Variants in MACROD2 observed in about 807,000 individuals in gnomAD.
MACROD2 encodes the protein ADP-ribose glycohydrolase MACROD2.
MACROD2 carries 36 observed loss-of-function variants against 70.4 expected under a neutral mutation model. That is an observed-to-expected ratio of 0.51 (90% CI 0.39 to 0.68). The LOEUF is 0.68. MACROD2 is among the 30% of genes least tolerant of loss of function. The probability of loss-of-function intolerance (pLI) is 0.00; values close to 1 mark genes in which losing one functional copy is unlikely to be tolerated. For missense variants in MACROD2, 496 were observed against 538.4 expected (o/e 0.92, Z 0.78); for synonymous variants, 172 against 178.8 (o/e 0.96, Z 0.30).
chr20:14,957,218 A>G (rs758591432), intron 5 of MACROD2, among the ~76,000 whole-genome samples: 2 of 152,122 alleles, frequency 1.3e-5, no homozygotes, highest in Non-Finnish European at 2.9e-5. Flanking sequence ...ATACATTTAT[A>G]TGATCTATAT....
At chr20:15,528,092 A>G (rs148558171) in intron 8 of MACROD2, among the ~76,000 whole-genome samples, 1 of 152,126 alleles carries the variant, frequency 6.6e-6, no homozygotes, top group Non-Finnish European at 1.5e-5. Flanking sequence ...ATGTTTCTCA[A>G]CCTGGGGCAA....
At chr20:14,981,410 G>A (rs982389773) in intron 5 of MACROD2, among the ~76,000 whole-genome samples, 8 of 143,710 alleles carry the variant, frequency 5.6e-5, no homozygotes, top group Admixed American at 2.1e-4. Context: ...CCAATCATAC[G>A]TGTGTGTGTA....
chr20:14,876,185 A>G (rs2073548607), intron 5 of MACROD2, among the ~76,000 whole-genome samples: 2 of 152,154 alleles, frequency 1.3e-5, no homozygotes, highest in Admixed American at 6.6e-5. Context: ...GTGAAATGGT[A>G]TCTCACTGTG....
At chr20:14,714,227 A>G (rs2071370850) in intron 5 of MACROD2, among the ~76,000 whole-genome samples, 1 of 152,110 alleles carries the variant, frequency 6.6e-6, no homozygotes, top group African/African-American at 2.4e-5. Context: ...AGGGTGCAGG[A>G]TAGAGGACGA....
intron 8 of MACROD2, among the ~76,000 whole-genome samples, chr20:15,609,089 T>C (rs527994253): frequency 1.3e-5 from 2 of 152,298 alleles, no homozygotes; most frequent in African/African-American, 4.8e-5. Flanking sequence ...AAAGGCAGAC[T>C]TAACAAATGA....
In MACROD2 at chr20:15,614,690, A is replaced by G. The variant is rs183178336; in HGVS notation, c.645+114843A>G. Among the ~76,000 whole-genome samples, 92 of 152,354 alleles carry G rather than the reference A, an allele frequency of 6.0e-4. No homozygotes were observed. The East Asian group carries it at 0.012, about 20-fold the overall frequency. ...GGATTGTCATGGGAGTGAAAATCCA[A>G]TTAAAGACAGTAGACATAAAGAATT... On this transcript the variant is annotated intron_variant, in intron 8 of 17. Transcript: ENST00000684519.
At chr20:14,233,393 G>A (rs911871851) in intron 3 of MACROD2, among the ~76,000 whole-genome samples, 1 of 152,052 alleles carries the variant, frequency 6.6e-6, no homozygotes, top group African/African-American at 2.4e-5. Context: ...CTTATTTAGT[G>A]ATATAAAGAA....
chr20:14,883,140 C>T (rs555640644), intron 5 of MACROD2, among the ~76,000 whole-genome samples: 2 of 152,304 alleles, frequency 1.3e-5, no homozygotes, highest in South Asian at 2.1e-4. Context: ...GATTCTCTCT[C>T]ATGTCTTTGG....
intron 6 of MACROD2, among the ~76,000 whole-genome samples, chr20:15,372,712 A>C (rs541647006): frequency 6.6e-6 from 1 of 152,276 alleles, no homozygotes; most frequent in East Asian, 1.9e-4. Flanking sequence ...TGTGGAAAAA[A>C]TGTGCAGATC....
At chr20:14,557,507 G>C (rs911355204) in intron 4 of MACROD2, among the ~76,000 whole-genome samples, 1 of 151,826 alleles carries the variant, frequency 6.6e-6, no homozygotes, top group Non-Finnish European at 1.5e-5. Flanking sequence ...AATACATAAA[G>C]TACTCATATA....
intron 8 of MACROD2, among the ~76,000 whole-genome samples, chr20:15,633,758 A>G (rs1213136040): frequency 6.6e-6 from 1 of 152,184 alleles, no homozygotes; most frequent in Non-Finnish European, 1.5e-5. Flanking sequence ...AGTATTTTAA[A>G]TGAATGTTTA....
intron 8 of MACROD2, among the ~76,000 whole-genome samples, chr20:15,775,151 G>A (rs78873027): frequency 2.6e-5 from 4 of 152,042 alleles, no homozygotes; most frequent in Non-Finnish European, 5.9e-5. Context: ...TTAATAAGCT[G>A]TAGGAGGAGT....
chr20:14,648,873 T>TA (rs1985534797), intron 4 of MACROD2, among the ~76,000 whole-genome samples: 2 of 152,218 alleles, frequency 1.3e-5, no homozygotes, highest in African/African-American at 2.4e-5. Flanking sequence ...CTATGCCAGT[T>TA]AATCTGTTAT....
At chr20:14,861,088 C>A (rs941231619) in intron 5 of MACROD2, among the ~76,000 whole-genome samples, 9 of 151,964 alleles carry the variant, frequency 5.9e-5, no homozygotes, top group Admixed American at 1.3e-4. Flanking sequence ...AATAATTTAC[C>A]CCACATGGTT....
At position 16,050,021 on chromosome 20, in the gene MACROD2, T is replaced by C; in HGVS notation, c.*145T>C. 1 of 627,998 alleles carries C rather than the reference T, an allele frequency of 1.6e-6. No individual in the cohort carries two copies. Among genetic ancestry groups the C allele is most frequent in the Non-Finnish European group, 2.5e-6 (1 of 393,944 alleles). 38.9% of individuals were successfully genotyped at this position (627,998 alleles called of 1,614,324 possible). On this transcript the variant is annotated 3_prime_UTR_variant, in exon 18 of 18. Transcript: ENST00000684519. ...CTTTACTCTAATTTCTCCAGCTGCA[T>C]TTTGTTCCGTTTATCTGCAGAAAAA...
intron 5 of MACROD2, among the ~76,000 whole-genome samples, chr20:14,704,339 T>C (rs764116358): frequency 2.0e-5 from 3 of 152,078 alleles, no homozygotes; most frequent in Non-Finnish European, 2.9e-5. Flanking sequence ...TGCGCCCTTT[T>C]CCTACCGTGT....
At chr20:14,639,812 A>G (rs566599838) in intron 4 of MACROD2, among the ~76,000 whole-genome samples, 4 of 152,172 alleles carry the variant, frequency 2.6e-5, no homozygotes, top group Admixed American at 6.5e-5. Flanking sequence ...ACAAATCAAC[A>G]CTCACATAGT....
At chr20:15,913,315 G>C (rs1227104877) in intron 10 of MACROD2, among the ~76,000 whole-genome samples, 1 of 152,116 alleles carries the variant, frequency 6.6e-6, no homozygotes, top group Non-Finnish European at 1.5e-5. Flanking sequence ...AGGCTGGAGA[G>C]AGTTTTGCTA....
chr20:14,890,097 C>T (rs915579256), intron 5 of MACROD2, among the ~76,000 whole-genome samples: 2 of 151,968 alleles, frequency 1.3e-5, no homozygotes, highest in South Asian at 4.2e-4. Flanking sequence ...AGGATGTAAT[C>T]GCTTCCAGCT....
Sources: allele counts gnomAD v4.1 joint callset (sites outside exome capture counted in the v4.1 genomes callset), GRCh38; gene constraint gnomAD v4.1.1; transcripts MANE v1.5; gene names NCBI Gene and HGNC (gene_info 2026-07-23, HGNC 2026-07-21).